Variants in ECD observed in about 807,000 individuals in gnomAD.
The protein encoded by ECD is protein ecdysoneless homolog.
Under a neutral mutation model 77.2 loss-of-function variants are expected in ECD, and 59 were observed. That is an observed-to-expected ratio of 0.76 (90% CI 0.62 to 0.95). ECD has a LOEUF of 0.95. ECD is among the 40% of genes least tolerant of loss of function. The probability of loss-of-function intolerance (pLI) is 0.00; values close to 1 mark genes in which losing one functional copy is unlikely to be tolerated. For missense variants in ECD, 704 were observed against 763.4 expected (o/e 0.92, Z 0.92); for synonymous variants, 233 against 267.4 (o/e 0.87, Z 1.26).
intron 1 of ECD, among the ~76,000 whole-genome samples, chr10:73,165,200 ATC>A (rs1411535063): frequency 6.6e-6 from 1 of 152,174 alleles, no homozygotes; most frequent in Non-Finnish European, 1.5e-5. Flanking sequence ...CAGAATGTAC[ATC>A]TCTCTCTTTT....
chr10:73,166,937 T>C (rs1385730579), intron 1 of ECD, among the ~76,000 whole-genome samples: 1 of 152,226 alleles, frequency 6.6e-6, no homozygotes, highest in African/African-American at 2.4e-5. Context: ...AGTAGTTTCA[T>C]AGTTTGAGGG....
intron 7 of ECD, among the ~76,000 whole-genome samples, chr10:73,149,276 G>T (rs765940242): frequency 6.6e-6 from 1 of 152,124 alleles, no homozygotes; most frequent in Non-Finnish European, 1.5e-5. Context: ...TGACTAAAAA[G>T]GTTTGTGCAT....
In ECD at chr10:73,158,000, C is replaced by T. The variant is rs917596490; in HGVS notation, c.324-1345G>A. Among the ~76,000 whole-genome samples, 9 of 151,510 alleles carry T rather than the reference C, an allele frequency of 5.9e-5. No homozygotes were observed. The South Asian group carries it at 1.5e-3, about 25-fold the overall frequency. On this transcript the variant is annotated intron_variant, in intron 3 of 13. Coordinates refer to ENST00000372979, the MANE Select transcript of ECD (RefSeq NM_007265.3). The stretch of plus-strand genomic sequence containing the variant: ...TTTTTGAGACAGAGTCTCACTCTGT[C>T]GCACAGGCTGGAATGTAGTGGTGCA...
chr10:73,143,014 T>G (rs1266984338), intron 9 of ECD, among the ~76,000 whole-genome samples: 1 of 152,152 alleles, frequency 6.6e-6, no homozygotes, highest in Non-Finnish European at 1.5e-5. Context: ...CATAATGGCT[T>G]GCGGTCTTTC....
At chr10:73,146,456 C>T (rs1235056804) in intron 8 of ECD, 95 bp from the exon 9 acceptor site, 5 of 710,954 alleles carry the variant, frequency 7.0e-6, no homozygotes, top group Middle Eastern at 2.6e-4. Context: ...AGCAAATAAT[C>T]TACTACTCAG....
At chr10:73,142,419 G>T (rs1843070095) in intron 9 of ECD, among the ~76,000 whole-genome samples, 1 of 152,070 alleles carries the variant, frequency 6.6e-6, no homozygotes, top group Admixed American at 6.5e-5. Context: ...GCAGATCACA[G>T]GTCAGGAGAT....
chr10:73,134,253 A>G lies in ECD; in HGVS notation c.*330T>C, dbSNP rs1564657923. On this transcript the variant is annotated 3_prime_UTR_variant, in exon 14 of 14. Coordinates refer to ENST00000372979, the MANE Select transcript of ECD (RefSeq NM_007265.3). ...AACTTGAAATTTTGATCTGAGGATG[A>G]ATAGCAGTAAGGGAGAAATTTAAAT... 1 of 189,454 alleles carries G rather than the reference A, an allele frequency of 5.3e-6. No homozygotes were observed. Among genetic ancestry groups the G allele is most frequent in the Non-Finnish European group, 1.1e-5 (1 of 91,662 alleles). The allele number at this position is 189,454 out of a possible 1,614,324, so 11.7% of individuals were successfully genotyped here. A position where few individuals can be genotyped will look rare whatever the true frequency, so the allele number is the denominator to read the frequency against.
At chr10:73,136,219 T>C (rs574326636) in intron 13 of ECD, among the ~76,000 whole-genome samples, 21 of 152,314 alleles carry the variant, frequency 1.4e-4, no homozygotes, top group African/African-American at 5.0e-4. Flanking sequence ...AATTTGGCTC[T>C]AAATTAGGGA....
At chr10:73,155,594 C>CTTTTT (rs537974204) in intron 5 of ECD, among the ~76,000 whole-genome samples, 15 of 124,828 alleles carry the variant, frequency 1.2e-4, no homozygotes, top group African/African-American at 4.2e-4. Context: ...TAGGTTTCTA[C>CTTTTT]TTTTTTTTTT....
At chr10:73,152,916 A>G (rs1196500374) in intron 6 of ECD, among the ~76,000 whole-genome samples, 1 of 152,126 alleles carries the variant, frequency 6.6e-6, no homozygotes, top group Non-Finnish European at 1.5e-5. Flanking sequence ...CACTGTTGCA[A>G]AAAAAATTTT....
At position 73,161,164 on chromosome 10, in the gene ECD, C is replaced by CA. The variant is rs59553109; in HGVS notation, c.206-614dup. ...GATCTCAAATCAACAACCTATACCT[C>CA]AAAAAAAAAAAACAAAAACTAAACC... On this transcript the variant is annotated intron_variant, in intron 2 of 13. Transcript: ENST00000372979. Among the ~76,000 whole-genome samples the CA allele has an allele frequency of 5.2e-3, 652 of 124,230 alleles. 4 individuals are homozygous for CA. Among genetic ancestry groups the CA allele is most frequent in the East Asian group, 0.034 (151 of 4,482 alleles). 81.5% of individuals were successfully genotyped at this position (124,230 alleles called of 152,430 possible).
In ECD at chr10:73,156,638, C is replaced by A. The variant is rs756041378; in HGVS notation, c.341G>T (p.Gly114Val). The A allele has an allele frequency of 1.9e-6, 3 of 1,613,476 alleles. No homozygotes were observed. Among genetic ancestry groups the A allele is most frequent in the Non-Finnish European group, 1.7e-6 (2 of 1,180,036 alleles). Residue 114 changes from glycine to valine, a missense_variant, in exon 4 of 14, where the codon GGT becomes GTT. Transcript: ENST00000372979. ...ELVARIEDND[G>V]EFLLIEAADF... ...AGCAGCTTCTATTAACAAGAATTCA[C>A]CATCATTGTCTTCAATCCTAATGCA...
Position 73,143,325 on chromosome 10 carries a change from C to T in ECD, c.1127+2951G>A, listed in dbSNP as rs376233011. On this transcript the variant is annotated intron_variant, in intron 9 of 13. Transcript: ENST00000372979. Reference sequence around the variant, plus strand: ...CTGGGATTACAGGGGCGTGCCAACACGCCCAGCTAATTTTTGAATTTTTAG... The same window carrying T: ...CTGGGATTACAGGGGCGTGCCAACATGCCCAGCTAATTTTTGAATTTTTAG... Among the ~76,000 whole-genome samples the T allele has an allele frequency of 3.0e-3, 439 of 145,550 alleles. 4 individuals carry two copies. Among genetic ancestry groups the T allele is most frequent in the African/African-American group, 0.011 (424 of 38,992 alleles).
chr10:73,140,645 G>A (rs931169859), intron 9 of ECD, among the ~76,000 whole-genome samples: 8 of 151,806 alleles, frequency 5.3e-5, no homozygotes, highest in African/African-American at 1.9e-4. Flanking sequence ...CAGCATGGGC[G>A]ACTGAGCAAG....
chr10:73,149,207 T>C (rs980559345), intron 7 of ECD, among the ~76,000 whole-genome samples: 6 of 152,210 alleles, frequency 3.9e-5, no homozygotes, highest in Admixed American at 1.3e-4. Context: ...CTATGCTCCA[T>C]ATATGTCCTT....
chr10:73,153,777 T>G (rs1172075758), intron 6 of ECD, among the ~76,000 whole-genome samples: 1 of 127,412 alleles, frequency 7.8e-6, no homozygotes, highest in African/African-American at 2.9e-5. Flanking sequence ...TAGAAACATA[T>G]GGTCAAAAAT....
At chr10:73,151,451 C>G (rs1843204176) in intron 7 of ECD, among the ~76,000 whole-genome samples, 1 of 151,492 alleles carries the variant, frequency 6.6e-6, no homozygotes, top group African/African-American at 2.4e-5. Flanking sequence ...GGGTGCAGCA[C>G]ACCAACATGG....
chr10:73,156,598 T>C lies in ECD; in HGVS notation c.381A>G (p.Lys127=). 1 of 1,614,160 alleles carries C rather than the reference T, an allele frequency of 6.2e-7. No homozygotes were observed. The highest frequency in any genetic ancestry group is 1.3e-5 in the African/African-American group (1 of 75,066). The change falls in exon 4 of 14, where the codon AAA becomes AAG. Residue 127 remains lysine, a synonymous_variant. Transcript: ENST00000372979. The part of the protein sequence containing the change: ...LLIEAADFLP[K]WLDPENSTNR... ...TGGTGCTATTTTCAGGATCCAGCCATTTAGGGAGAAAGTCAGCAGCTTCTA... is the reference window on the plus strand; with the variant it reads ...TGGTGCTATTTTCAGGATCCAGCCACTTAGGGAGAAAGTCAGCAGCTTCTA...
intron 12 of ECD, 137 bp downstream of exon 12, chr10:73,137,866 T>C: frequency 1.8e-6 from 1 of 556,700 alleles, no homozygotes; most frequent in Non-Finnish European, 2.9e-6. Flanking sequence ...GGGTAGTAAT[T>C]CATGGTTGAA....
Sources: gnomAD v4.1 joint callset for allele counts (sites outside exome capture counted in the v4.1 genomes callset) on GRCh38, gnomAD v4.1.1 for gene constraint, MANE v1.5 for transcripts, NCBI Gene and HGNC (gene_info 2026-07-23, HGNC 2026-07-21) for gene names.